The following ADAM32 variants were observed in gnomAD, a reference collection of about 807,000 sequenced individuals.
The protein encoded by ADAM32 is ADAM metallopeptidase domain 32.
Under a neutral mutation model 114.9 loss-of-function variants are expected in ADAM32, and 89 were observed. The observed-to-expected ratio is 0.77, with a 90% CI of 0.65 to 0.92. The LOEUF is 0.92. ADAM32 is among the 40% of genes least tolerant of loss of function. The probability of loss-of-function intolerance (pLI) is 0.00; values close to 1 mark genes in which losing one functional copy is unlikely to be tolerated. For missense variants in ADAM32, 870 were observed against 932.8 expected, an observed-to-expected ratio of 0.93 and a Z score of 0.88; for synonymous variants, 285 against 307.5, an observed-to-expected ratio of 0.93 and a Z score of 0.77.
rs1368475194 is a variant in ADAM32, at chr8:39,149,861, GACT to G, written c.349_351del (p.Leu117del). 1 of 1,607,312 alleles carries G rather than the reference GACT, an allele frequency of 6.2e-7. No individual in the cohort carries two copies. Among genetic ancestry groups the G allele is most frequent in the Admixed American group, 1.7e-5 (1 of 59,356 alleles). ...ATGGTCACACTCAGCACGTGCTCTG[GACT>G]AAGGTTGTTTTCTGTTGTTGATTAC... On this transcript the variant is annotated inframe_deletion, in exon 5 of 25. Coordinates refer to ENST00000379907, the MANE Select transcript of ADAM32 (RefSeq NM_145004.7).
chr8:39,113,362 A>G (rs1325969944), intron 1 of ADAM32, among the ~76,000 whole-genome samples: 2 of 150,418 alleles, frequency 1.3e-5, no homozygotes, highest in East Asian at 3.8e-4. Flanking sequence ...TGCCATCTAT[A>G]TCTTGAACTT....
At chr8:39,141,968 G>C (rs979588814) in intron 3 of ADAM32, among the ~76,000 whole-genome samples, 1 of 152,038 alleles carries the variant, frequency 6.6e-6, no homozygotes, top group Non-Finnish European at 1.5e-5. Context: ...CTCTTTTGAT[G>C]TTTGTTGGTT....
At chr8:39,195,895 G>A in intron 11 of ADAM32, among the ~76,000 whole-genome samples, 1 of 152,100 alleles carries the variant, frequency 6.6e-6, no homozygotes, top group Admixed American at 6.5e-5. Context: ...TTGGTATTTT[G>A]TTATGGATTT....
At position 39,273,353 on chromosome 8, in the gene ADAM32, A is replaced by AAAAT. The variant is rs574778386; in HGVS notation, c.2202-939_2202-936dup. 9.2e-3 allele frequency among the ~76,000 whole-genome samples: 1,400 copies of AAAAT among 151,994 alleles called. 14 individuals carry two copies. The highest frequency in any genetic ancestry group is 0.03 in the African/African-American group (1,255 of 41,382). ...AAACCCCGTCTCTACTAAAAATACA[A>AAAAT]AAATAAATAAATAAATAAATAAAAT... On this transcript the variant is annotated intron_variant, in intron 20 of 24. Transcript: ENST00000379907.
At chr8:39,161,162 C>G (rs781144059) in intron 7 of ADAM32, among the ~76,000 whole-genome samples, 197 bp downstream of exon 7, 2 of 152,212 alleles carry the variant, frequency 1.3e-5, no homozygotes, top group Non-Finnish European at 2.9e-5. Context: ...ATTTGAAATA[C>G]TTACACAACA....
chr8:39,178,929 C>A (rs1432425829), intron 10 of ADAM32, among the ~76,000 whole-genome samples: 1 of 152,098 alleles, frequency 6.6e-6, no homozygotes, highest in Admixed American at 6.5e-5. Context: ...CCCAGGAGGG[C>A]ACTGACCTTA....
intron 22 of ADAM32, 158 bp downstream of exon 22, chr8:39,276,024 CTTGCGA>C (rs764679667): frequency 5.1e-4 from 274 of 541,712 alleles, no homozygotes; most frequent in Non-Finnish European, 3.8e-4. Flanking sequence ...GATCTAGTAA[CTTGCGA>C]GTATTTGTCT....
chr8:39,220,953 T>C (rs1808918230), intron 12 of ADAM32: 1 of 145,846 alleles, frequency 6.9e-6, no homozygotes, highest in South Asian at 2.1e-4. Flanking sequence ...CTGATGTCTG[T>C]GTTGATTTTT....
At chr8:39,210,913 G>A (rs907205974) in intron 11 of ADAM32, among the ~76,000 whole-genome samples, 2 of 150,528 alleles carry the variant, frequency 1.3e-5, no homozygotes, top group African/African-American at 4.9e-5. Context: ...TTGGATTACT[G>A]TGTGTGTGTG....
chr8:39,188,803 T>G (rs533386144), intron 11 of ADAM32, among the ~76,000 whole-genome samples: 15 of 152,156 alleles, frequency 9.9e-5, no homozygotes, highest in Admixed American at 2.6e-4. Context: ...AATCTCCAAT[T>G]TCTTACAAAT....
rs376603490 is a variant in ADAM32, at chr8:39,257,326, G to T, written c.2145G>T (p.Glu715Asp). ...KQLKKWFAKEEEFPSSESKSE... is the reference protein window; with the variant it reads ...KQLKKWFAKEDEFPSSESKSE... Reference sequence around the variant, plus strand: ...TGAAAAAGTGGTTCGCCAAGGAAGAGGAATTCCCAAGTAGCGAGTAAATTG... The same window carrying T: ...TGAAAAAGTGGTTCGCCAAGGAAGATGAATTCCCAAGTAGCGAGTAAATTG... Residue 715 changes from glutamate (E) to aspartate (D), a missense_variant, in exon 19 of 25, where the codon GAG (glutamate) becomes GAT (aspartate). By Grantham distance (45) the Glu-to-Asp change is conservative. Transcript: ENST00000379907. 5.0e-6 allele frequency: 8 copies of T among 1,612,896 alleles called. No individual in the cohort carries two copies. The African/African-American group carries it at 9.4e-5, about 19-fold the overall frequency.
Position 39,270,866 on chromosome 8 carries a change from T to TC in ADAM32, c.2163-10_2163-9insC, listed in dbSNP as rs766328350. The TC allele has an allele frequency of 6.2e-7, 1 of 1,606,188 alleles. No individual in the cohort carries two copies. The highest frequency in any genetic ancestry group is 8.5e-7 in the Non-Finnish European group (1 of 1,175,342). ...AGTACTAACATGAGACATTTTCAATTTCTTTTTAGATCTAAATCGGAAGGT... is the reference window on the plus strand; with the variant it reads ...AGTACTAACATGAGACATTTTCAATTCTCTTTTTAGATCTAAATCGGAAGGT... On this transcript the variant is annotated splice_polypyrimidine_tract_variant and intron_variant, in intron 19 of 24. Coordinates refer to ENST00000379907, the MANE Select transcript of ADAM32 (RefSeq NM_145004.7).
At chr8:39,203,834 C>G (rs1807615846) in intron 11 of ADAM32, among the ~76,000 whole-genome samples, 1 of 152,130 alleles carries the variant, frequency 6.6e-6, no homozygotes, top group Non-Finnish European at 1.5e-5. Context: ...CTGGTGGTGA[C>G]AAAATCTCTC....
chr8:39,128,854 T>G (rs975291085), intron 2 of ADAM32, among the ~76,000 whole-genome samples: 1 of 152,130 alleles, frequency 6.6e-6, no homozygotes, highest in Non-Finnish European at 1.5e-5. Context: ...CCAATATCCC[T>G]TGACTGGGAA....
At chr8:39,230,741 A>C (rs914296311) in intron 14 of ADAM32, among the ~76,000 whole-genome samples, 2 of 152,198 alleles carry the variant, frequency 1.3e-5, no homozygotes, top group African/African-American at 4.8e-5. Context: ...AAAGAACAGC[A>C]GAAAGAAAAA....
At chr8:39,199,411 T>G (rs1012444902) in intron 11 of ADAM32, among the ~76,000 whole-genome samples, 3 of 152,220 alleles carry the variant, frequency 2.0e-5, no homozygotes, top group Non-Finnish European at 4.4e-5. Context: ...ATAATTTGTC[T>G]GATCAGGTCA....
At chr8:39,120,751 G>C (rs1840556161) in intron 2 of ADAM32, among the ~76,000 whole-genome samples, 1 of 118,068 alleles carries the variant, frequency 8.5e-6, no homozygotes, top group Non-Finnish European at 1.7e-5. Context: ...GACAGAGCAA[G>C]ACTCCGTCTC....
chr8:39,201,663 T>G (rs1408775628), intron 11 of ADAM32, among the ~76,000 whole-genome samples: 3 of 152,234 alleles, frequency 2.0e-5, no homozygotes, highest in African/African-American at 7.2e-5. Flanking sequence ...TCCAACAGTA[T>G]GTTGAATACG....
intron 3 of ADAM32, among the ~76,000 whole-genome samples, chr8:39,138,246 C>T (rs570868973): frequency 1.3e-5 from 2 of 152,190 alleles, no homozygotes; most frequent in African/African-American, 4.8e-5. Flanking sequence ...CATAGGTATA[C>T]ATGTGCCATG....
Sources: allele counts gnomAD v4.1 joint callset (sites outside exome capture counted in the v4.1 genomes callset), GRCh38; gene constraint gnomAD v4.1.1; transcripts MANE v1.5; gene names NCBI Gene and HGNC (gene_info 2026-07-23, HGNC 2026-07-21).